RBFOX1: variants seen among roughly 807,000 people sequenced by gnomAD.
RBFOX1 encodes RNA binding protein fox-1 homolog 1.
Under a neutral mutation model 57.7 loss-of-function variants are expected in RBFOX1, and 8 were observed. The ratio of observed to expected loss-of-function variants is 0.14; its 90% CI spans 0.08 to 0.25. RBFOX1 has a LOEUF of 0.25. Among genes scored for constraint, RBFOX1 ranks in the 10% least tolerant of loss-of-function variants. The pLI is 1.00. For synonymous variants in RBFOX1, 326 were observed against 222.4 expected (o/e 1.47, Z -4.15); for missense variants, 611 against 548.5 (o/e 1.11, Z -1.14).
intron 4 of RBFOX1, among the ~76,000 whole-genome samples, chr16:7,506,217 A>AAAAT (rs2073241398): frequency 1.5e-5 from 2 of 130,368 alleles, no homozygotes; most frequent in African/African-American, 5.7e-5. Flanking sequence ...AAAAAAAAAA[A>AAAAT]TTTCTGTAAG....
chr16:6,924,129 A>G (rs983973776), intron 3 of RBFOX1, among the ~76,000 whole-genome samples: 5 of 151,924 alleles, frequency 3.3e-5, no homozygotes, highest in African/African-American at 1.2e-4. Flanking sequence ...AGATTGTACC[A>G]CTGCACTCCA....
rs371006889 is a variant in RBFOX1 at position 6,606,676 on chromosome 16, CA to C, written c.-63-47921del. ...GCTTCCAGTTCCATCCATGTCCCTG[CA>C]AAAAACATCTCATTCCTTTTTATGG... On this transcript the variant is annotated intron_variant, in intron 2 of 15. Transcript: ENST00000550418. Among the ~76,000 whole-genome samples, 601 of 152,074 alleles carry C rather than the reference CA, an allele frequency of 4.0e-3. 3 individuals carry two copies. The highest frequency in any genetic ancestry group is 0.014 in the Middle Eastern group (4 of 294).
chr16:6,281,907 C>CGCA (rs1401920791), intron 1 of RBFOX1, among the ~76,000 whole-genome samples: 1 of 151,962 alleles, frequency 6.6e-6, no homozygotes, highest in African/African-American at 2.4e-5. Context: ...CCCCACTGCC[C>CGCA]GCCTGAGTTG....
rs529296775 is a variant in RBFOX1, at chr16:5,712,628, G to A, written c.318+113667G>A. On this transcript the variant is annotated intron_variant, in intron 3 of 19. Coordinates refer to the RBFOX1 transcript ENST00000641259. The stretch of plus-strand genomic sequence containing the variant: ...TGACTTATGTGTTATTTGTCCTCAT[G>A]TGTAGTTTAGGAAATGGAAGTCCAG... Among the ~76,000 whole-genome samples the A allele has an allele frequency of 7.7e-5, 3 of 39,030 alleles. No individual in the cohort carries two copies. In the East Asian group the frequency reaches 9.1e-4, roughly 12 times the overall value. The allele number at this position is 39,030 out of a possible 152,430, so 25.6% of individuals were successfully genotyped here.
chr16:7,667,302 C>T (rs111670762), intron 13 of RBFOX1, among the ~76,000 whole-genome samples: 1 of 152,132 alleles, frequency 6.6e-6, no homozygotes, highest in Non-Finnish European at 1.5e-5. Flanking sequence ...AGCTCAGCAG[C>T]AGAACAAGAG....
At chr16:7,365,906 T>G (rs1481464075) in intron 4 of RBFOX1, among the ~76,000 whole-genome samples, 5 of 152,220 alleles carry the variant, frequency 3.3e-5, no homozygotes, top group African/African-American at 1.2e-4. Flanking sequence ...CCTTTCTTTG[T>G]GTCAGTTTCA....
rs1194406323 is a variant in RBFOX1, at chr16:7,449,729, TG to T, written c.28-68406del. On this transcript the variant is annotated intron_variant, in intron 4 of 15. Transcript: ENST00000550418. ...AGAAACATGTATGTGTGTGTGTGTGTGGGGGGGGGGGGTTGTTTTGTTTTGT... is the reference window on the plus strand; with the variant it reads ...AGAAACATGTATGTGTGTGTGTGTGTGGGGGGGGGGGTTGTTTTGTTTTGT... 8.3e-3 allele frequency among the ~76,000 whole-genome samples: 632 copies of T among 76,590 alleles called. 11 individuals are homozygous for T. The highest frequency in any genetic ancestry group is 0.022 in the African/African-American group (389 of 18,030). The allele number at this position is 76,590 out of a possible 152,430, so 50.2% of individuals were successfully genotyped here. A position where few individuals can be genotyped will look rare whatever the true frequency, so the allele number is the denominator to read the frequency against.
chr16:5,723,063 C>G (rs2051996070), intron 3 of RBFOX1, among the ~76,000 whole-genome samples: 1 of 152,212 alleles, frequency 6.6e-6, no homozygotes, highest in South Asian at 2.1e-4. Context: ...TTCCTAATCT[C>G]CAGCAGCCTA....
chr16:5,493,086 A>G (rs1291497140), intron 2 of RBFOX1, among the ~76,000 whole-genome samples: 1 of 152,252 alleles, frequency 6.6e-6, no homozygotes, highest in Non-Finnish European at 1.5e-5. Flanking sequence ...TTATGGTAGC[A>G]GAGCTGAGAA....
intron 2 of RBFOX1, among the ~76,000 whole-genome samples, chr16:6,625,081 C>T (rs1263965935): frequency 7.4e-6 from 1 of 134,676 alleles, no homozygotes; most frequent in South Asian, 2.5e-4. Context: ...TAGAGAATCT[C>T]TTTAACCTGG....
chr16:7,546,586 A>C (rs1213771518), intron 5 of RBFOX1, among the ~76,000 whole-genome samples: 4 of 152,184 alleles, frequency 2.6e-5, no homozygotes, highest in Non-Finnish European at 5.9e-5. Context: ...TTTGACAAAA[A>C]ATTAGAAAAT....
intron 3 of RBFOX1, among the ~76,000 whole-genome samples, chr16:7,035,991 C>A (rs944621996): frequency 6.6e-6 from 1 of 152,134 alleles, no homozygotes; most frequent in East Asian, 1.9e-4. Flanking sequence ...TCAAGTTTCT[C>A]AAGCTACAGA....
chr16:5,267,370 T>G (rs2062886302), intron 1 of RBFOX1, among the ~76,000 whole-genome samples: 1 of 151,172 alleles, frequency 6.6e-6, no homozygotes, highest in Non-Finnish European at 1.5e-5. Flanking sequence ...TAATCTTGAC[T>G]CACTGCAACC....
intron 1 of RBFOX1, among the ~76,000 whole-genome samples, chr16:6,287,748 T>C (rs1441784423): frequency 6.6e-6 from 1 of 152,118 alleles, no homozygotes; most frequent in East Asian, 1.9e-4. Context: ...TTAAGACCAT[T>C]CTCCATTTAT....
chr16:6,899,019 CTGTGTGTGTGTATAATGTGTGTATG>C (rs2067742164), intron 3 of RBFOX1, among the ~76,000 whole-genome samples: 1 of 150,250 alleles, frequency 6.7e-6, no homozygotes. Context: ...ATGCGCGTCT[CTGTGTGTGTGTATAATGTGTGTATG>C]CATGTGTATG....
intron 1 of RBFOX1, among the ~76,000 whole-genome samples, chr16:6,168,425 C>G (rs986866054): frequency 1.3e-5 from 2 of 152,242 alleles, no homozygotes; most frequent in East Asian, 1.9e-4. Flanking sequence ...GCTCACATTA[C>G]AGTCAGGCTC....
At chr16:7,525,435 G>C in intron 5 of RBFOX1, among the ~76,000 whole-genome samples, 1 of 152,110 alleles carries the variant, frequency 6.6e-6, no homozygotes, top group East Asian at 1.9e-4. Context: ...CTCCATCTCT[G>C]TTTGCCTCTG....
intron 2 of RBFOX1, among the ~76,000 whole-genome samples, chr16:6,587,466 G>A (rs983602744): frequency 1.3e-5 from 2 of 152,086 alleles, no homozygotes; most frequent in Non-Finnish European, 2.9e-5. Flanking sequence ...ATTTTTAGCA[G>A]AGACAGGGTT....
chr16:6,968,632 A>G (rs762286990), intron 3 of RBFOX1, among the ~76,000 whole-genome samples: 8 of 152,008 alleles, frequency 5.3e-5, no homozygotes, highest in Non-Finnish European at 8.8e-5. Context: ...TTGCATTTAC[A>G]CAACGTGCCA....
Sources: allele counts gnomAD v4.1 joint callset (sites outside exome capture counted in the v4.1 genomes callset), GRCh38; gene constraint gnomAD v4.1.1; transcripts MANE v1.5; gene names NCBI Gene and HGNC (gene_info 2026-07-23, HGNC 2026-07-21).